The following SGCZ variants were observed in gnomAD, a reference collection of about 807,000 sequenced individuals.
The protein encoded by SGCZ is sarcoglycan zeta.
Under a neutral mutation model 41.3 loss-of-function variants are expected in SGCZ, and 40 were observed. The observed-to-expected ratio is 0.97, with a 90% CI of 0.75 to 1.26. SGCZ has a LOEUF of 1.26. Ranked by LOEUF, SGCZ falls within the 50% of genes most tolerant of loss-of-function variation. The probability of loss-of-function intolerance (pLI) is 0.00; values close to 1 mark genes in which losing one functional copy is unlikely to be tolerated. For synonymous variants in SGCZ, 206 were observed against 137.5 expected, an observed-to-expected ratio of 1.50 and a Z score of -3.49; for missense variants, 552 against 369.8, an observed-to-expected ratio of 1.49 and a Z score of -4.04.
At chr8:14,273,083 C>G (rs1025981322) in intron 3 of SGCZ, among the ~76,000 whole-genome samples, 64 of 151,970 alleles carry the variant, frequency 4.2e-4, no homozygotes, top group African/African-American at 1.3e-3. Flanking sequence ...CTTAATTTTT[C>G]TGGTGAAATA....
rs1302775192 is a variant in SGCZ at position 14,871,483 on chromosome 8, C to T, written c.40-316557G>A. ...CACAATACCAAAGACTTGGAACTAA[C>T]CCAAATGACCATCAATGATAGACTG... On this transcript the variant is annotated intron_variant, in intron 1 of 7. Coordinates refer to ENST00000382080, the MANE Select transcript of SGCZ (RefSeq NM_139167.4). 2.6e-5 allele frequency among the ~76,000 whole-genome samples: 4 copies of T among 152,018 alleles called. No homozygotes were observed. The South Asian group carries it at 8.3e-4, about 31-fold the overall frequency.
intron 1 of SGCZ, among the ~76,000 whole-genome samples, chr8:15,148,337 T>C (rs1013303628): frequency 6.6e-6 from 1 of 152,176 alleles, no homozygotes; most frequent in African/African-American, 2.4e-5. Context: ...AGCTCACTGA[T>C]GGTTAATGAA....
intron 3 of SGCZ, among the ~76,000 whole-genome samples, chr8:14,303,524 C>T (rs1468387146): frequency 6.6e-6 from 1 of 152,014 alleles, no homozygotes; most frequent in African/African-American, 2.4e-5. Flanking sequence ...CAGAAAAAGA[C>T]AAACATTGCT....
At chr8:14,670,597 T>G (rs1437850910) in intron 1 of SGCZ, among the ~76,000 whole-genome samples, 1 of 152,182 alleles carries the variant, frequency 6.6e-6, no homozygotes, top group Non-Finnish European at 1.5e-5. Context: ...CAAAATGTTC[T>G]TACACCTGAG....
chr8:14,909,854 G>T (rs1227593375), intron 1 of SGCZ, among the ~76,000 whole-genome samples: 1 of 152,022 alleles, frequency 6.6e-6, no homozygotes, highest in African/African-American at 2.4e-5. Context: ...ACTCTCCATG[G>T]TGTTCTTTGA....
At chr8:14,728,680 A>G (rs569836418) in intron 1 of SGCZ, among the ~76,000 whole-genome samples, 3 of 152,318 alleles carry the variant, frequency 2.0e-5, no homozygotes, top group African/African-American at 7.2e-5. Context: ...TTATGTCTCA[A>G]TCAGTATAGA....
At chr8:14,178,120 G>A (rs1040221787) in intron 4 of SGCZ, among the ~76,000 whole-genome samples, 12 of 151,616 alleles carry the variant, frequency 7.9e-5, no homozygotes, top group African/African-American at 2.9e-4. Context: ...ATCACCCCCG[G>A]CTAATTGTGT....
chr8:14,245,835 C>A (rs1243188343), intron 3 of SGCZ, among the ~76,000 whole-genome samples: 1 of 152,116 alleles, frequency 6.6e-6, no homozygotes, highest in East Asian at 1.9e-4. Flanking sequence ...AGCCAAAAGA[C>A]ACATGAAAAA....
intron 1 of SGCZ, among the ~76,000 whole-genome samples, chr8:14,581,665 A>G (rs946873109): frequency 1.3e-5 from 2 of 152,152 alleles, no homozygotes; most frequent in African/African-American, 2.4e-5. Context: ...ACCAAGAGTT[A>G]CTATTCTTCT....
chr8:14,702,882 TA>T (rs1554483871), intron 1 of SGCZ, among the ~76,000 whole-genome samples: 2 of 133,260 alleles, frequency 1.5e-5, no homozygotes, highest in Non-Finnish European at 3.2e-5. Flanking sequence ...GATAGATAGA[TA>T]AAAAGATAGA....
intron 1 of SGCZ, among the ~76,000 whole-genome samples, chr8:14,820,601 G>A (rs1051546927): frequency 6.6e-6 from 1 of 152,060 alleles, no homozygotes; most frequent in South Asian, 2.1e-4. Context: ...GATCACAAAC[G>A]AGTGTTAACA....
At position 14,477,755 on chromosome 8, in the gene SGCZ, G is replaced by A. The variant is rs186331367; in HGVS notation, c.234+76977C>T. On this transcript the variant is annotated intron_variant, in intron 2 of 7. Coordinates refer to ENST00000382080, the MANE Select transcript of SGCZ (RefSeq NM_139167.4). ...ATCTTAAGTTCACACATGTAAAAGA[G>A]AAGGAAATGTAGGAAATGTGTCTGA... Among the ~76,000 whole-genome samples the A allele has an allele frequency of 4.0e-3, 602 of 152,304 alleles. 4 individuals carry two copies. Among genetic ancestry groups the A allele is most frequent in the Non-Finnish European group, 6.0e-3 (409 of 68,020 alleles).
At chr8:15,154,662 A>G (rs1374601641) in intron 1 of SGCZ, among the ~76,000 whole-genome samples, 1 of 152,250 alleles carries the variant, frequency 6.6e-6, no homozygotes, top group Non-Finnish European at 1.5e-5. Context: ...AATTAAAGGA[A>G]GCAACCATCC....
chr8:14,421,343 T>C (rs984063257), intron 2 of SGCZ, among the ~76,000 whole-genome samples: 7 of 152,104 alleles, frequency 4.6e-5, no homozygotes, highest in African/African-American at 1.7e-4. Flanking sequence ...TTGTAACATT[T>C]TCAAAAATTT....
At chr8:14,594,072 G>C (rs1805326731) in intron 1 of SGCZ, among the ~76,000 whole-genome samples, 1 of 151,896 alleles carries the variant, frequency 6.6e-6, no homozygotes, top group South Asian at 2.1e-4. Flanking sequence ...CTACTCAGGA[G>C]GCTGACGTGG....
intron 3 of SGCZ, among the ~76,000 whole-genome samples, chr8:14,291,648 AAAAT>A (rs1800846003): frequency 6.7e-6 from 1 of 148,866 alleles, no homozygotes; most frequent in Admixed American, 6.8e-5. Flanking sequence ...AGAAGACAAA[AAAAT>A]AAAAAGTTCT....
intron 1 of SGCZ, among the ~76,000 whole-genome samples, chr8:15,012,651 T>C (rs1802879082): frequency 1.1e-5 from 1 of 89,990 alleles, no homozygotes; most frequent in South Asian, 3.0e-4. Context: ...AAACTATATA[T>C]AATATATAAT....
At chr8:14,530,646 G>A (rs553236100) in intron 2 of SGCZ, among the ~76,000 whole-genome samples, 2 of 151,380 alleles carry the variant, frequency 1.3e-5, no homozygotes, top group Non-Finnish European at 2.9e-5. Flanking sequence ...TCAAAAACCA[G>A]TTAAATGACT....
chr8:14,444,166 G>C (rs528982815), intron 2 of SGCZ, among the ~76,000 whole-genome samples: 87 of 152,220 alleles, frequency 5.7e-4, no homozygotes, highest in African/African-American at 2.0e-3. Flanking sequence ...GAAACAACAG[G>C]TGCTGGAGAG....
Sources: gnomAD v4.1 joint callset for allele counts (sites outside exome capture counted in the v4.1 genomes callset) on GRCh38, gnomAD v4.1.1 for gene constraint, MANE v1.5 for transcripts, NCBI Gene and HGNC (gene_info 2026-07-23, HGNC 2026-07-21) for gene names.